Variants in MOB3B observed in about 807,000 individuals in gnomAD.
The protein encoded by MOB3B is MOB kinase activator-like 2B.
In MOB3B, 7 loss-of-function variants were observed where a neutral mutation model predicts 18.7. That is an observed-to-expected ratio of 0.37 (90% CI 0.21 to 0.70). The LOEUF (loss-of-function observed/expected upper bound fraction) is 0.70. MOB3B is among the 30% of genes least tolerant of loss of function. The pLI is 0.52. For synonymous variants in MOB3B, 111 were observed against 99.9 expected (o/e 1.11, Z -0.66); for missense variants, 253 against 281.3 (o/e 0.90, Z 0.72).
intron 2 of MOB3B, among the ~76,000 whole-genome samples, chr9:27,418,243 A>C (rs548656488): frequency 6.6e-6 from 1 of 152,268 alleles, no homozygotes; most frequent in Non-Finnish European, 1.5e-5. Flanking sequence ...GATTCACAGC[A>C]GAATTCTACC....
intron 2 of MOB3B, among the ~76,000 whole-genome samples, chr9:27,404,768 G>A (rs1408352012): frequency 6.6e-6 from 1 of 151,980 alleles, no homozygotes; most frequent in Admixed American, 6.5e-5. Context: ...CCCTTCTTTT[G>A]GATATATACT....
intron 1 of MOB3B, chr9:27,524,306 C>T (rs1436344808): frequency 6.3e-7 from 1 of 1,595,782 alleles, no homozygotes; most frequent in African/African-American, 1.4e-5. Context: ...GTCATATACA[C>T]ATCTTCTGGA....
In MOB3B at chr9:27,478,039, G is replaced by GA. The variant is rs926272552; in HGVS notation, c.-198-22292dup. 1.4e-3 allele frequency among the ~76,000 whole-genome samples: 218 copies of GA among 151,964 alleles called. 2 individuals are homozygous for GA. Among genetic ancestry groups the GA allele is most frequent in the African/African-American group, 4.7e-3 (193 of 41,466 alleles). On this transcript the variant is annotated intron_variant, in intron 1 of 3. Coordinates refer to ENST00000262244, the MANE Select transcript of MOB3B (RefSeq NM_024761.5). ...CTGAATTGTGCTCCAGTATCAGGGT[G>GA]AAAAAAAATGCATCCGATTAAAAAA... is the stretch of plus-strand genomic sequence containing the variant.
intron 2 of MOB3B, among the ~76,000 whole-genome samples, chr9:27,418,090 T>G (rs374682470): frequency 2.7e-4 from 1 of 3,658 alleles, no homozygotes; most frequent in Non-Finnish European, 1.2e-3. Flanking sequence ...AGACTCCACC[T>G]CAAAAAAAAA....
rs145105552 is a variant in MOB3B, at chr9:27,528,950, G to A, written c.-199+605C>T. On this transcript the variant is annotated intron_variant, in intron 1 of 3. Coordinates refer to ENST00000262244, the MANE Select transcript of MOB3B (RefSeq NM_024761.5). ...AAAGGGAGGGGCTGGGATTCCAGAT[G>A]TTTGACAGTTGTTGGCCCCAAAGTT... 2.2e-3 allele frequency among the ~76,000 whole-genome samples: 330 copies of A among 152,320 alleles called. 2 individuals are homozygous for A. Among genetic ancestry groups the A allele is most frequent in the Admixed American group, 3.5e-3 (53 of 15,312 alleles).
chr9:27,412,013 A>G (rs1822074940), intron 2 of MOB3B, among the ~76,000 whole-genome samples: 1 of 152,182 alleles, frequency 6.6e-6, no homozygotes, highest in African/African-American at 2.4e-5. Flanking sequence ...ATTAAGATAA[A>G]AAAAGAAGAT....
At chr9:27,334,333 T>C (rs1820832525) in intron 3 of MOB3B, among the ~76,000 whole-genome samples, 1 of 152,204 alleles carries the variant, frequency 6.6e-6, no homozygotes, top group South Asian at 2.1e-4. Flanking sequence ...TTGATATGCA[T>C]GAATTTTTTT....
At chr9:27,363,041 G>C (rs1244436540) in intron 2 of MOB3B, among the ~76,000 whole-genome samples, 1 of 152,168 alleles carries the variant, frequency 6.6e-6, no homozygotes, top group Non-Finnish European at 1.5e-5. Flanking sequence ...GATACAGCTT[G>C]CTGACCCACT....
intron 1 of MOB3B, among the ~76,000 whole-genome samples, chr9:27,463,932 G>C (rs936214635): frequency 6.6e-6 from 1 of 151,928 alleles, no homozygotes; most frequent in Non-Finnish European, 1.5e-5. Flanking sequence ...GCTCCAGCCT[G>C]GGCAGCAGCA....
intron 1 of MOB3B, among the ~76,000 whole-genome samples, chr9:27,528,315 A>G (rs776433425): frequency 5.7e-4 from 87 of 152,326 alleles, no homozygotes; most frequent in Non-Finnish European, 9.4e-4. Flanking sequence ...CCCAGCCCCA[A>G]CGCCTTTGGC....
At chr9:27,344,457 G>A (rs1821001812) in intron 3 of MOB3B, among the ~76,000 whole-genome samples, 1 of 152,218 alleles carries the variant, frequency 6.6e-6, no homozygotes, top group African/African-American at 2.4e-5. Flanking sequence ...AACTATGTCT[G>A]AGAACCTATT....
chr9:27,388,822 C>T (rs1056200943), intron 2 of MOB3B, among the ~76,000 whole-genome samples: 1 of 152,188 alleles, frequency 6.6e-6, no homozygotes, highest in African/African-American at 2.4e-5. Context: ...ACCCAGTCAA[C>T]ATCCTCCGTG....
Position 27,389,846 on chromosome 9 carries a change from G to A in MOB3B, c.419-30610C>T, listed in dbSNP as rs961075109. ...ACAGCTCCCATTTCCAGCCTGGACC[G>A]AGACCGAGGAGACATCACCACTTGA... On this transcript the variant is annotated intron_variant, in intron 2 of 3. Coordinates refer to ENST00000262244, the MANE Select transcript of MOB3B (RefSeq NM_024761.5). Among the ~76,000 whole-genome samples, 4 of 152,122 alleles carry A rather than the reference G, an allele frequency of 2.6e-5. No individual in the cohort carries two copies. In the South Asian group the frequency reaches 8.3e-4, roughly 32 times the overall value.
At chr9:27,334,172 G>A (rs1448733663) in intron 3 of MOB3B, among the ~76,000 whole-genome samples, 2 of 152,094 alleles carry the variant, frequency 1.3e-5, no homozygotes, top group Admixed American at 1.3e-4. Context: ...TTGTATAACA[G>A]GATGTATGGT....
intron 2 of MOB3B, among the ~76,000 whole-genome samples, chr9:27,374,319 T>A (rs1821462550): frequency 6.6e-6 from 1 of 152,054 alleles, no homozygotes; most frequent in Admixed American, 6.6e-5. Context: ...CCCACTCACT[T>A]TGAAACAGCC....
At chr9:27,521,365 A>G (rs1820322055) in intron 1 of MOB3B, among the ~76,000 whole-genome samples, 1 of 152,216 alleles carries the variant, frequency 6.6e-6, no homozygotes, top group Non-Finnish European at 1.5e-5. Flanking sequence ...CAATAGCCAA[A>G]TGTGCAGCCA....
chr9:27,400,051 C>T (rs573203584), intron 2 of MOB3B, among the ~76,000 whole-genome samples: 31 of 152,326 alleles, frequency 2.0e-4, no homozygotes, highest in Admixed American at 5.9e-4. Flanking sequence ...ACAGCTGCCT[C>T]CTGCCTGTCC....
intron 1 of MOB3B, among the ~76,000 whole-genome samples, chr9:27,522,242 CAAAAA>C (rs1171362204): frequency 3.4e-3 from 193 of 56,054 alleles, no homozygotes; most frequent in African/African-American, 0.015. Flanking sequence ...CCCCGTCTCA[CAAAAA>C]AAAAAAAAAA....
chr9:27,396,009 G>T (rs1380906131), intron 2 of MOB3B, among the ~76,000 whole-genome samples: 1 of 152,124 alleles, frequency 6.6e-6, no homozygotes, highest in East Asian at 1.9e-4. Context: ...CGGGGGTTAT[G>T]TTACCTTTTT....
Sources: gnomAD v4.1 joint callset for allele counts (sites outside exome capture counted in the v4.1 genomes callset) on GRCh38, gnomAD v4.1.1 for gene constraint, MANE v1.5 for transcripts, NCBI Gene and HGNC (gene_info 2026-07-23, HGNC 2026-07-21) for gene names.